Variants in MS4A6A observed in about 807,000 individuals in gnomAD.
MS4A6A encodes the protein membrane-spanning 4-domains subfamily A member 6A.
A neutral mutation model predicts 20.6 loss-of-function variants in MS4A6A; 19 were observed. The observed-to-expected ratio is 0.92, with a 90% CI of 0.64 to 1.36. The LOEUF is 1.36. Among genes scored for constraint, MS4A6A ranks in the 40% most tolerant of loss-of-function variants. MS4A6A has a pLI of 0.00. For synonymous variants in MS4A6A, 108 were observed against 105.0 expected, an observed-to-expected ratio of 1.03 and a Z score of -0.17; for missense variants, 272 against 261.1, an observed-to-expected ratio of 1.04 and a Z score of -0.29.
chr11:60,183,420 T>C (rs1590688650), upstream of MS4A6A: 1 of 495,452 alleles, frequency 2.0e-6, no homozygotes, highest in East Asian at 3.5e-5. Flanking sequence ...GCTTTGAAGC[T>C]TTCAATAACA....
Position 60,172,885 on chromosome 11 carries a change from C to T in MS4A6A, c.*116G>A, listed in dbSNP as rs544109765. 8.2e-4 allele frequency: 1,268 copies of T among 1,541,898 alleles called. 10 individuals carry two copies. The South Asian group carries it at 0.01, about 12-fold the overall frequency. ...ATTGCCATCTGCTTTTCTTCTCTGT[C>T]TTCCATCACAATGCAAATGCCCTCC... On this transcript the variant is annotated 3_prime_UTR_variant, in exon 6 of 6. Transcript: ENST00000528851.
rs544600862 is a variant in MS4A6A at position 60,172,860 on chromosome 11, A to G, written c.*141T>C. 101 of 1,477,308 alleles carry G rather than the reference A, an allele frequency of 6.8e-5. No homozygotes were observed. In the South Asian group the frequency reaches 1.2e-3, roughly 17 times the overall value. The allele number at this position is 1,477,308 out of a possible 1,614,324, so 91.5% of individuals were successfully genotyped here. ...GAATTTTCAGCTTATCAGCTACTCA[A>G]TTGCCATCTGCTTTTCTTCTCTGTC... On this transcript the variant is annotated 3_prime_UTR_variant, in exon 6 of 6. Transcript: ENST00000528851.
At position 60,175,469 on chromosome 11, in the gene MS4A6A, T is replaced by A; in HGVS notation, c.482A>T (p.Tyr161Phe). The A allele has an allele frequency of 6.2e-7, 1 of 1,614,132 alleles. No homozygotes were observed. Residue 161 changes from tyrosine (Y) to phenylalanine (F), a missense_variant, in exon 5 of 6, where the codon TAT (tyrosine) becomes TTT (phenylalanine). Physicochemically the swap from Tyr to Phe is conservative, Grantham distance 22. Transcript: ENST00000528851. ...TGAATCATGATAAAAGTAAGAAACA[T>A]AACTTCTTGTTGGTATATTATTTTT... ...LDKNNIPTRS[Y>F]VSYFYHDSLY...
intron 2 of MS4A6A, chr11:60,181,135 A>C (rs1236327442): frequency 4.6e-6 from 2 of 434,570 alleles, no homozygotes; most frequent in Non-Finnish European, 9.1e-6. Context: ...GGTGAATATC[A>C]TTTCCATTCT....
chr11:60,172,547 T>A lies in MS4A6A; in HGVS notation c.*454A>T. 2.7e-6 allele frequency: 3 copies of A among 1,131,560 alleles called. No homozygotes were observed. Among genetic ancestry groups the A allele is most frequent in the Non-Finnish European group, 3.3e-6 (3 of 921,178 alleles). 70.1% of individuals were successfully genotyped at this position (1,131,560 alleles called of 1,614,324 possible). ...ATAGCTTTAAAAAGGCAAACGAATT[T>A]TAAGATCACCAGGGGCAAATGCAGA... is the stretch of plus-strand genomic sequence containing the variant. On this transcript the variant is annotated 3_prime_UTR_variant, in exon 6 of 6. Transcript: ENST00000528851.
intron 4 of MS4A6A, chr11:60,177,910 G>A (rs188492858): frequency 1.3e-3 from 353 of 276,066 alleles, no homozygotes; most frequent in African/African-American, 7.0e-3. Context: ...CCAATAGACC[G>A]CTTTATAACA....
At chr11:60,174,568 T>C (rs1036887940) in intron 5 of MS4A6A, among the ~76,000 whole-genome samples, 1 of 152,094 alleles carries the variant, frequency 6.6e-6, no homozygotes, top group East Asian at 1.9e-4. Context: ...TCGTGATCCA[T>C]GCACCAGGGC....
At position 60,172,783 on chromosome 11, in the gene MS4A6A, T is replaced by C. The variant is rs2073407617; in HGVS notation, c.*218A>G. 2 of 1,323,634 alleles carry C rather than the reference T, an allele frequency of 1.5e-6. No individual in the cohort carries two copies. The highest frequency in any genetic ancestry group is 3.3e-5 in the East Asian group (1 of 30,488). 82.0% of individuals were successfully genotyped at this position (1,323,634 alleles called of 1,614,324 possible). A position where few individuals can be genotyped will look rare whatever the true frequency, so the allele number is the denominator to read the frequency against. On this transcript the variant is annotated 3_prime_UTR_variant, in exon 6 of 6. Transcript: ENST00000528851. Reference sequence around the variant, plus strand: ...AGTCTCATTCCCTTCGCTGACAAAATAGGAAGATTGAATCAGTTGATTTCT... The same window carrying C: ...AGTCTCATTCCCTTCGCTGACAAAACAGGAAGATTGAATCAGTTGATTTCT...
chr11:60,175,712 A>AGGAGGTCT, intron 4 of MS4A6A, 101 bp from the exon 5 acceptor site: 1 of 1,268,776 alleles, frequency 7.9e-7, no homozygotes, highest in Non-Finnish European at 1.1e-6. Context: ...CTGTCCCCTC[A>AGGAGGTCT]GGAGGTCTGG....
chr11:60,172,702 C>T lies in MS4A6A; in HGVS notation c.*299G>A, dbSNP rs1157608536. 8.3e-7 allele frequency: 1 copy of T among 1,206,602 alleles called. No individual in the cohort carries two copies. The highest frequency in any genetic ancestry group is 1.0e-6 in the Non-Finnish European group (1 of 957,768). 74.7% of individuals were successfully genotyped at this position (1,206,602 alleles called of 1,614,324 possible). On this transcript the variant is annotated 3_prime_UTR_variant, in exon 6 of 6. Coordinates refer to ENST00000528851, the MANE Select transcript of MS4A6A (RefSeq NM_022349.4). The stretch of plus-strand genomic sequence containing the variant: ...GGGAGGCAAGCCAGGTTCTAGTGTC[C>T]TCAGCAAAGGCACAAACTCATAGCA...
rs145372891 is a variant in MS4A6A at position 60,174,742 on chromosome 11, C to T, written c.549+660G>A. On this transcript the variant is annotated intron_variant, in intron 5 of 5. Coordinates refer to ENST00000528851, the MANE Select transcript of MS4A6A (RefSeq NM_022349.4). The stretch of plus-strand genomic sequence containing the variant: ...TTAGCCAAACTTCATTATTTTTCTT[C>T]TTCCAAAGAGATAGAATTCTCCTGC... Among the ~76,000 whole-genome samples, 1,169 of 152,246 alleles carry T rather than the reference C, an allele frequency of 7.7e-3. 23 individuals carry two copies. The highest frequency in any genetic ancestry group is 0.027 in the African/African-American group (1,121 of 41,536).
chr11:60,179,770 A>C, intron 3 of MS4A6A, 61 bp downstream of exon 3: 1 of 1,595,704 alleles, frequency 6.3e-7, no homozygotes. Flanking sequence ...GGGAAGTCTA[A>C]GCTATTGGCA....
chr11:60,183,100 T>A (rs1162867659), upstream of MS4A6A: 1 of 1,525,168 alleles, frequency 6.6e-7, no homozygotes, highest in Non-Finnish European at 8.7e-7. Flanking sequence ...CCTTCCTTAT[T>A]CCAGTGTTTA....
intron 5 of MS4A6A, 148 bp from the exon 6 acceptor site, chr11:60,173,277 A>C: frequency 1.5e-6 from 1 of 673,208 alleles, no homozygotes; most frequent in Non-Finnish European, 2.6e-6. Context: ...TGCTCCTCCC[A>C]CACCTCACAA....
In MS4A6A at chr11:60,173,149, A is replaced by C; in HGVS notation, c.550-20T>G. 2 of 1,609,940 alleles carry C rather than the reference A, an allele frequency of 1.2e-6. No homozygotes were observed. Among genetic ancestry groups the C allele is most frequent in the Non-Finnish European group, 1.7e-6 (2 of 1,176,686 alleles). On this transcript the variant is annotated intron_variant, in intron 5 of 5. Coordinates refer to ENST00000528851, the MANE Select transcript of MS4A6A (RefSeq NM_022349.4). ...AGTTCCCTGAAAGTCAAGAAATAAA[A>C]GATTGATGTTGCTTAGGTCAGCTGA...
At chr11:60,175,848 G>T (rs908921751) in intron 4 of MS4A6A, among the ~76,000 whole-genome samples, 2 of 152,098 alleles carry the variant, frequency 1.3e-5, no homozygotes, top group Non-Finnish European at 2.9e-5. Context: ...TCAGTGGTGT[G>T]GTAGAGAATG....
chr11:60,181,396 T>C lies in MS4A6A; in HGVS notation c.147+185A>G, dbSNP rs1399574609. The stretch of plus-strand genomic sequence containing the variant: ...CTCATATTCAGAATAAGGGAAAATA[T>C]ATTTTTAAGACAACCTCTTGTGGAA... On this transcript the variant is annotated intron_variant, in intron 2 of 5. Transcript: ENST00000528851. 7.9e-6 allele frequency: 5 copies of C among 630,346 alleles called. No individual in the cohort carries two copies. In the East Asian group the frequency reaches 1.1e-4, roughly 14 times the overall value. The allele number at this position is 630,346 out of a possible 1,614,324, so 39.0% of individuals were successfully genotyped here.
chr11:60,173,190 T>A (rs1289985723), intron 5 of MS4A6A, 61 bp from the exon 6 acceptor site: 4 of 1,446,312 alleles, frequency 2.8e-6, no homozygotes, highest in Non-Finnish European at 3.9e-6. Flanking sequence ...TCATGCCTAG[T>A]TGAGAGGTGA....
In MS4A6A at chr11:60,181,674, G is replaced by C. The variant is rs1367818408; in HGVS notation, c.54C>G (p.Val18=). ...GTTTCTCTGCTTGGGAGAAGTTGAT[G>C]ACATTTGATGGGAGCACTATGATGG... ...NETIIVLPSN[V]INFSQAEKPE... is the part of the protein sequence containing the mutation. The change falls in exon 2 of 6, where the codon GTC becomes GTG. Residue 18 remains valine (V), a synonymous_variant. Transcript: ENST00000528851. 4 of 1,614,094 alleles carry C rather than the reference G, an allele frequency of 2.5e-6. No individual in the cohort carries two copies. The highest frequency in any genetic ancestry group is 1.6e-4 in the Middle Eastern group (1 of 6,062).
Sources: allele counts gnomAD v4.1 joint callset (sites outside exome capture counted in the v4.1 genomes callset), GRCh38; gene constraint gnomAD v4.1.1; transcripts MANE v1.5; gene names NCBI Gene and HGNC (gene_info 2026-07-23, HGNC 2026-07-21).